Variants in TRABD2B observed in about 807,000 individuals in gnomAD.
The protein encoded by TRABD2B is TraB domain containing 2B, also known as metalloprotease TIKI2.
Under a neutral mutation model 40.1 loss-of-function variants are expected in TRABD2B, and 14 were observed. The ratio of observed to expected loss-of-function variants is 0.35; its 90% CI spans 0.23 to 0.55. TRABD2B has a LOEUF of 0.55. TRABD2B is among the 20% of genes least tolerant of loss of function. The probability of loss-of-function intolerance (pLI) is 0.90; values close to 1 mark genes in which losing one functional copy is unlikely to be tolerated. For missense variants in TRABD2B, 541 were observed against 648.6 expected (o/e 0.83, Z 1.80); for synonymous variants, 263 against 277.0 (o/e 0.95, Z 0.50).
intron 2 of TRABD2B, among the ~76,000 whole-genome samples, chr1:47,877,696 C>A (rs1203519151): frequency 6.6e-6 from 1 of 152,122 alleles, no homozygotes; most frequent in East Asian, 1.9e-4. Flanking sequence ...TTATAAATAA[C>A]CTAAAAGTCA....
intron 2 of TRABD2B, among the ~76,000 whole-genome samples, chr1:47,809,547 C>T (rs556888573): frequency 6.6e-6 from 1 of 152,308 alleles, no homozygotes; most frequent in South Asian, 2.1e-4. Flanking sequence ...GGACAGCTCA[C>T]TTCACAGGAA....
chr1:47,841,160 ACTCT>A (rs1429379053), intron 2 of TRABD2B, among the ~76,000 whole-genome samples: 2 of 151,738 alleles, frequency 1.3e-5, no homozygotes, highest in African/African-American at 4.8e-5. Flanking sequence ...TCTCTCTGTG[ACTCT>A]CTCTCCATAG....
chr1:47,815,347 C>T (rs557233285), intron 2 of TRABD2B, among the ~76,000 whole-genome samples: 8 of 152,244 alleles, frequency 5.3e-5, no homozygotes, highest in Middle Eastern at 3.4e-3. Context: ...GTATGTGAGG[C>T]GATGAGAGCA....
At chr1:47,970,036 C>G (rs1188287484) in intron 2 of TRABD2B, among the ~76,000 whole-genome samples, 4 of 152,052 alleles carry the variant, frequency 2.6e-5, no homozygotes, top group African/African-American at 9.7e-5. Context: ...TCTATCCAGC[C>G]CTGACCCCAC....
At chr1:47,806,998 A>T (rs1414739527) in intron 2 of TRABD2B, among the ~76,000 whole-genome samples, 2 of 152,360 alleles carry the variant, frequency 1.3e-5, no homozygotes, top group South Asian at 4.1e-4. Flanking sequence ...CCTGAGCACC[A>T]GGCATTGTTC....
chr1:47,808,098 T>C (rs947249703), intron 2 of TRABD2B, among the ~76,000 whole-genome samples: 1 of 152,232 alleles, frequency 6.6e-6, no homozygotes. Context: ...CAGATTACCC[T>C]CCATAACGTA....
chr1:47,846,857 T>TACAC (rs67359073), intron 2 of TRABD2B, among the ~76,000 whole-genome samples: 4,141 of 106,476 alleles, frequency 0.039, 75 homozygotes, highest in African/African-American at 0.054. Context: ...AAAACATGCA[T>TACAC]ACACACACAC....
At chr1:47,903,071 C>G (rs1644624245) in intron 2 of TRABD2B, among the ~76,000 whole-genome samples, 1 of 152,054 alleles carries the variant, frequency 6.6e-6, no homozygotes, top group Non-Finnish European at 1.5e-5. Flanking sequence ...GAGGAGTGTT[C>G]CCAAGGCTGA....
chr1:47,908,415 C>T (rs1644707102), intron 2 of TRABD2B, among the ~76,000 whole-genome samples: 1 of 152,166 alleles, frequency 6.6e-6, no homozygotes, highest in Non-Finnish European at 1.5e-5. Flanking sequence ...ATTGGGAGAA[C>T]TCAGGCCAAT....
intron 2 of TRABD2B, among the ~76,000 whole-genome samples, chr1:47,963,516 C>G (rs954785650): frequency 6.6e-6 from 1 of 152,116 alleles, no homozygotes; most frequent in Non-Finnish European, 1.5e-5. Flanking sequence ...TTCAATTAAC[C>G]CAGAATGTGG....
chr1:47,826,547 G>C (rs994845945), intron 2 of TRABD2B, among the ~76,000 whole-genome samples: 2 of 152,146 alleles, frequency 1.3e-5, no homozygotes, highest in Middle Eastern at 6.9e-3. Flanking sequence ...TTGGGTGAAG[G>C]GACGTTTCTA....
chr1:47,832,136 T>C (rs1645258384), intron 2 of TRABD2B, among the ~76,000 whole-genome samples: 1 of 152,000 alleles, frequency 6.6e-6, no homozygotes, highest in Non-Finnish European at 1.5e-5. Context: ...ATCGAGACCA[T>C]CTTGGCTAAT....
chr1:47,975,891 G>C (rs1003379734), intron 2 of TRABD2B, among the ~76,000 whole-genome samples: 5 of 152,170 alleles, frequency 3.3e-5, no homozygotes, highest in African/African-American at 1.2e-4. Context: ...GGAGTGACAA[G>C]AGGAAGGACA....
rs868584528 is a variant in TRABD2B at position 47,858,363 on chromosome 1, T to A, written c.667-56744A>T. ...ACCTCAAAATCTTGGGTTCAAGCAA[T>A]CCTTCCGCCTCAGCCTCTTGAGTAG... On this transcript the variant is annotated intron_variant, in intron 2 of 6. Transcript: ENST00000606738. Among the ~76,000 whole-genome samples the A allele has an allele frequency of 1.5e-4, 23 of 152,188 alleles. No individual in the cohort carries two copies. In the Middle Eastern group the frequency reaches 0.014, roughly 90 times the overall value.
At chr1:47,791,048 G>GC (rs1644664367) in intron 4 of TRABD2B, among the ~76,000 whole-genome samples, 2 of 152,160 alleles carry the variant, frequency 1.3e-5, no homozygotes, top group African/African-American at 4.8e-5. Context: ...TTGCACTGAA[G>GC]CCCCCTCAGA....
chr1:47,965,236 T>TGGGGG (rs1645585082), intron 2 of TRABD2B, among the ~76,000 whole-genome samples: 1 of 3,264 alleles, frequency 3.1e-4, no homozygotes, highest in Non-Finnish European at 5.8e-4. Context: ...GGGGGGTGGA[T>TGGGGG]GGGGAGGTGG....
At chr1:47,866,515 G>C (rs1181401874) in intron 2 of TRABD2B, among the ~76,000 whole-genome samples, 2 of 152,106 alleles carry the variant, frequency 1.3e-5, no homozygotes, top group Non-Finnish European at 2.9e-5. Flanking sequence ...GAAGACACTG[G>C]CTCAGTTTCC....
At chr1:47,968,285 T>C (rs1425256186) in intron 2 of TRABD2B, among the ~76,000 whole-genome samples, 2 of 152,198 alleles carry the variant, frequency 1.3e-5, no homozygotes, top group African/African-American at 4.8e-5. Context: ...TCTAATTTGC[T>C]CAGCAAATCC....
intron 2 of TRABD2B, among the ~76,000 whole-genome samples, chr1:47,876,778 G>A (rs1644231220): frequency 6.6e-6 from 1 of 152,210 alleles, no homozygotes; most frequent in African/African-American, 2.4e-5. Flanking sequence ...ACTCCTTCAT[G>A]TCTCTGTTTA....
Sources: gnomAD v4.1 joint callset for allele counts (sites outside exome capture counted in the v4.1 genomes callset) on GRCh38, gnomAD v4.1.1 for gene constraint, MANE v1.5 for transcripts, NCBI Gene and HGNC (gene_info 2026-07-23, HGNC 2026-07-21) for gene names.